GUCY2C: variants seen among roughly 807,000 people sequenced by gnomAD.
The protein encoded by GUCY2C is guanylate cyclase 2C.
GUCY2C carries 118 observed loss-of-function variants against 131.1 expected under a neutral mutation model. The observed-to-expected ratio is 0.90, with a 90% CI of 0.78 to 1.05. GUCY2C has a LOEUF of 1.05. Among genes scored for constraint, GUCY2C ranks in the 50% least tolerant of loss-of-function variants. The pLI is 0.00. For missense variants in GUCY2C, 1,161 were observed against 1,304.4 expected, an observed-to-expected ratio of 0.89 and a Z score of 1.69; for synonymous variants, 452 against 457.8, an observed-to-expected ratio of 0.99 and a Z score of 0.16.
intron 22 of GUCY2C, 106 bp downstream of exon 22, chr12:14,621,899 T>C (rs922093360): frequency 4.2e-6 from 3 of 707,334 alleles, no homozygotes; most frequent in African/African-American, 1.9e-5. Context: ...ATTCACTAAA[T>C]GTGAAACTAG....
chr12:14,694,852 C>T (rs1386285317), intron 1 of GUCY2C, among the ~76,000 whole-genome samples: 1 of 152,236 alleles, frequency 6.6e-6, no homozygotes, highest in East Asian at 1.9e-4. Flanking sequence ...CTCAATAAGT[C>T]TATTTCTGGT....
intron 10 of GUCY2C, among the ~76,000 whole-genome samples, chr12:14,666,721 CCAGA>C (rs934191582): frequency 1.6e-4 from 20 of 127,254 alleles, no homozygotes; most frequent in African/African-American, 4.3e-4. Flanking sequence ...GGTGATACAG[CCAGA>C]CAATGTCTCC....
intron 11 of GUCY2C, among the ~76,000 whole-genome samples, chr12:14,660,581 A>G (rs1947848415): frequency 6.6e-6 from 1 of 152,350 alleles, no homozygotes; most frequent in African/African-American, 2.4e-5. Flanking sequence ...GTCTCCCACA[A>G]TATAACAGCA....
At chr12:14,622,975 G>C (rs1038229988) in intron 21 of GUCY2C, among the ~76,000 whole-genome samples, 3 of 152,220 alleles carry the variant, frequency 2.0e-5, no homozygotes, top group Non-Finnish European at 4.4e-5. Context: ...GGGCTGACAT[G>C]AAGTGGGATG....
At chr12:14,664,311 C>A (rs929467412) in intron 10 of GUCY2C, among the ~76,000 whole-genome samples, 1 of 152,050 alleles carries the variant, frequency 6.6e-6, no homozygotes, top group Admixed American at 6.6e-5. Flanking sequence ...CCCCAGAAAA[C>A]GAAAGTGAGT....
At chr12:14,672,655 T>G (rs990703010) in intron 9 of GUCY2C, among the ~76,000 whole-genome samples, 11 of 152,208 alleles carry the variant, frequency 7.2e-5, no homozygotes, top group African/African-American at 2.7e-4. Flanking sequence ...ATAGATATAT[T>G]AATAGTAAAT....
chr12:14,617,457 A>C (rs1052176791), intron 24 of GUCY2C, among the ~76,000 whole-genome samples: 9 of 152,146 alleles, frequency 5.9e-5, no homozygotes, highest in Non-Finnish European at 8.8e-5. Context: ...TTGTAGTGCC[A>C]AGCTTGGGTG....
At chr12:14,637,306 T>A (rs578231543) in intron 19 of GUCY2C, among the ~76,000 whole-genome samples, 3 of 151,478 alleles carry the variant, frequency 2.0e-5, no homozygotes, top group South Asian at 4.2e-4. Context: ...ACAAATGGAA[T>A]GATATCCCAT....
rs186532913 is a variant in GUCY2C at position 14,681,224 on chromosome 12, C to T, written c.733+132G>A. ...TGAAGTTGCATGCAATTATAGATCT[C>T]CCAAAATATACAAAATATGTATGAG... On this transcript the variant is annotated intron_variant, in intron 5 of 26. Transcript: ENST00000261170. 2.8e-4 allele frequency: 209 copies of T among 755,964 alleles called. No individual in the cohort carries two copies. In the East Asian group the frequency reaches 5.4e-3, roughly 19 times the overall value. The allele number at this position is 755,964 out of a possible 1,614,324, so 46.8% of individuals were successfully genotyped here. A position where few individuals can be genotyped will look rare whatever the true frequency, so the allele number is the denominator to read the frequency against.
In GUCY2C at chr12:14,614,858, G is replaced by A. The variant is rs1457020555; in HGVS notation, c.3047+9C>T. The A allele has an allele frequency of 1.3e-6, 2 of 1,554,896 alleles. No individual in the cohort carries two copies. The highest frequency in any genetic ancestry group is 1.7e-6 in the Non-Finnish European group (2 of 1,145,310). The stretch of plus-strand genomic sequence containing the variant: ...TTCCTCCCTGTCCCTGCCACACCCA[G>A]AAGCTTACACAGTAGGAGGGGTTGG... On this transcript the variant is annotated intron_variant, in intron 26 of 26. Transcript: ENST00000261170.
At chr12:14,631,891 T>C (rs1462421273) in intron 19 of GUCY2C, among the ~76,000 whole-genome samples, 1 of 150,842 alleles carries the variant, frequency 6.6e-6, no homozygotes, top group African/African-American at 2.4e-5. Context: ...CTCCAGCACC[T>C]GTTGTTTCCT....
intron 18 of GUCY2C, 69 bp downstream of exon 18, chr12:14,641,013 G>T (rs928379610): frequency 1.2e-5 from 17 of 1,394,498 alleles, no homozygotes; most frequent in Middle Eastern, 2.4e-4. Context: ...GACAGATTAG[G>T]GTCTCAGTAA....
Position 14,696,497 on chromosome 12 carries a change from C to T in GUCY2C, c.-49G>A, listed in dbSNP as rs1448142156. 6.9e-7 allele frequency: 1 copy of T among 1,446,224 alleles called. No homozygotes were observed. Among genetic ancestry groups the T allele is most frequent in the Admixed American group, 1.7e-5 (1 of 58,642 alleles). 89.6% of individuals were successfully genotyped at this position (1,446,224 alleles called of 1,614,324 possible). A position where few individuals can be genotyped will look rare whatever the true frequency, so the allele number is the denominator to read the frequency against. On this transcript the variant is annotated 5_prime_UTR_variant, in exon 1 of 27. Coordinates refer to ENST00000261170, the MANE Select transcript of GUCY2C (RefSeq NM_004963.4). ...ACTCCTTGTGCCCACTTGCTTTGCT[C>T]TGTTGGGCTCCTAGGGAGGCAGGGA...
chr12:14,625,693 A>C, intron 21 of GUCY2C, 64 bp downstream of exon 21: 3 of 1,510,016 alleles, frequency 2.0e-6, no homozygotes, highest in Non-Finnish European at 2.7e-6. Flanking sequence ...CAAATCCTAT[A>C]TAGATACAAT....
intron 11 of GUCY2C, among the ~76,000 whole-genome samples, chr12:14,660,320 A>G (rs1013106137): frequency 2.8e-4 from 42 of 152,246 alleles, no homozygotes; most frequent in Non-Finnish European, 3.2e-4. Context: ...TATGTATTCA[A>G]TAAATATTTC....
Position 14,641,195 on chromosome 12 carries a change from A to T in GUCY2C, c.1955T>A (p.Leu652His), listed in dbSNP as rs749769714. 5 of 1,613,430 alleles carry T rather than the reference A, an allele frequency of 3.1e-6. No individual in the cohort carries two copies. In the African/African-American group the frequency reaches 6.7e-5, roughly 22 times the overall value. ...KKDLWTAPEHLRQANISQKGD... is the reference protein window; with the variant it reads ...KKDLWTAPEHHRQANISQKGD... ...TTTCTGAGAGATGTTGGCTTGGCGGAGGTGCTCTGGAGCTGTCCACAGGTC... is the reference window on the plus strand; with the variant it reads ...TTTCTGAGAGATGTTGGCTTGGCGGTGGTGCTCTGGAGCTGTCCACAGGTC... The change falls in exon 18 of 27, where the codon CTC becomes CAC. Residue 652 changes from leucine to histidine, a missense_variant. By Grantham distance (99) the Leu-to-His change is moderately conservative (BLOSUM62 -3). Coordinates refer to ENST00000261170, the MANE Select transcript of GUCY2C (RefSeq NM_004963.4).
chr12:14,675,568 GC>G (rs1948216072), intron 7 of GUCY2C, among the ~76,000 whole-genome samples: 1 of 152,172 alleles, frequency 6.6e-6, no homozygotes, highest in African/African-American at 2.4e-5. Flanking sequence ...ATTGGATGAT[GC>G]CACTGAAATT....
In GUCY2C at chr12:14,645,237, T is replaced by G. The variant is rs780889055; in HGVS notation, c.1789A>C (p.Ile597Leu). ...GTGTGTGTTTCTCTTACCTTAGCAATGTCATACAAGACAGAGATCTTAAAC... is the reference window on the plus strand; with the variant it reads ...GTGTGTGTTTCTCTTACCTTAGCAAGGTCATACAAGACAGAGATCTTAAAC... ...WEFKISVLYD[I>L]AKGMSYLHSS... Residue 597 changes from isoleucine (I) to leucine (L), a missense_variant, in exon 16 of 27, where the codon ATT becomes CTT. Ile to Leu is a conservative substitution (Grantham distance 5). Coordinates refer to ENST00000261170, the MANE Select transcript of GUCY2C (RefSeq NM_004963.4). The G allele has an allele frequency of 3.4e-5, 52 of 1,539,898 alleles. No individual in the cohort carries two copies. Among genetic ancestry groups the G allele is most frequent in the Non-Finnish European group, 4.4e-5 (49 of 1,114,328 alleles).
intron 1 of GUCY2C, among the ~76,000 whole-genome samples, chr12:14,689,698 G>A (rs763864538): frequency 8.5e-5 from 13 of 152,134 alleles, no homozygotes; most frequent in Non-Finnish European, 1.3e-4. Context: ...GAAAACTCAC[G>A]CATGAGGGAA....
Sources: gnomAD v4.1 joint callset for allele counts (sites outside exome capture counted in the v4.1 genomes callset) on GRCh38, gnomAD v4.1.1 for gene constraint, MANE v1.5 for transcripts, NCBI Gene and HGNC (gene_info 2026-07-23, HGNC 2026-07-21) for gene names.